PAPPA2: variants seen among roughly 807,000 people sequenced by gnomAD.
PAPPA2 encodes pappalysin 2, also known as pappalysin-2.
A neutral mutation model predicts 176.4 loss-of-function variants in PAPPA2; 86 were observed. That is an observed-to-expected ratio of 0.49 (90% CI 0.41 to 0.58). The LOEUF is 0.58. Ranked by LOEUF, PAPPA2 falls within the 20% of genes least tolerant of loss-of-function variation. The probability of loss-of-function intolerance (pLI) is 0.00; values close to 1 mark genes in which losing one functional copy is unlikely to be tolerated. For missense variants in PAPPA2, 2,073 were observed against 2,256.9 expected (o/e 0.92, Z 1.65); for synonymous variants, 809 against 852.2 (o/e 0.95, Z 0.88).
intron 21 of PAPPA2, among the ~76,000 whole-genome samples, chr1:176,833,727 T>A (rs1667163599): frequency 6.6e-6 from 1 of 152,222 alleles, no homozygotes; most frequent in Non-Finnish European, 1.5e-5. Context: ...GTAAGTATGA[T>A]ACACCTCCAA....
intron 2 of PAPPA2, among the ~76,000 whole-genome samples, chr1:176,579,098 C>T (rs1652814416): frequency 6.6e-6 from 1 of 152,112 alleles, no homozygotes; most frequent in African/African-American, 2.4e-5. Flanking sequence ...TCTGTCAAAA[C>T]CCACAGACAG....
chr1:176,793,882 T>G (rs1665299460), intron 20 of PAPPA2, among the ~76,000 whole-genome samples: 1 of 151,932 alleles, frequency 6.6e-6, no homozygotes, highest in Non-Finnish European at 1.5e-5. Context: ...GATCACAAGG[T>G]CAGGAAATTG....
chr1:176,609,786 C>T (rs148561894), intron 3 of PAPPA2, among the ~76,000 whole-genome samples: 65 of 152,304 alleles, frequency 4.3e-4, no homozygotes, highest in African/African-American at 1.5e-3. Context: ...ACTGCCCTGA[C>T]TACCTCAGAG....
chr1:176,591,716 A>G (rs149791799), intron 2 of PAPPA2, among the ~76,000 whole-genome samples: 8 of 152,300 alleles, frequency 5.3e-5, no homozygotes, highest in Middle Eastern at 6.8e-3. Context: ...GTCCTCGTTT[A>G]TCCTAACTAC....
At chr1:176,824,544 A>G (rs1666782299) in intron 21 of PAPPA2, among the ~76,000 whole-genome samples, 1 of 152,164 alleles carries the variant, frequency 6.6e-6, no homozygotes, top group Non-Finnish European at 1.5e-5. Context: ...TTATTTTTTA[A>G]TTAGAGAAAC....
chr1:176,743,401 A>G (rs536793348), intron 14 of PAPPA2, among the ~76,000 whole-genome samples: 5 of 152,268 alleles, frequency 3.3e-5, no homozygotes, highest in South Asian at 2.1e-4. Context: ...TCTACTGATC[A>G]TGAACCCTTT....
chr1:176,793,859 G>A (rs775301812), intron 20 of PAPPA2, among the ~76,000 whole-genome samples, 190 bp downstream of exon 20: 5 of 152,120 alleles, frequency 3.3e-5, no homozygotes, highest in African/African-American at 7.2e-5. Flanking sequence ...AAAGATATCC[G>A]CCGAGGTGGG....
At chr1:176,608,679 A>G (rs1275748262) in intron 3 of PAPPA2, among the ~76,000 whole-genome samples, 2 of 152,026 alleles carry the variant, frequency 1.3e-5, no homozygotes, top group Non-Finnish European at 2.9e-5. Context: ...CGAACACCCT[A>G]CCTTTGTAAG....
At chr1:176,623,471 A>G (rs1042739892) in intron 3 of PAPPA2, among the ~76,000 whole-genome samples, 1 of 152,150 alleles carries the variant, frequency 6.6e-6, no homozygotes, top group Non-Finnish European at 1.5e-5. Context: ...CACACTCATT[A>G]TAGTAGAGGC....
At chr1:176,564,912 C>T (rs1651875353) in intron 2 of PAPPA2, among the ~76,000 whole-genome samples, 1 of 152,048 alleles carries the variant, frequency 6.6e-6, no homozygotes, top group Non-Finnish European at 1.5e-5. Flanking sequence ...AAATGCTGTA[C>T]CCATTAGCCC....
chr1:176,547,963 CTT>C (rs1363135839), intron 1 of PAPPA2, among the ~76,000 whole-genome samples: 3 of 152,160 alleles, frequency 2.0e-5, no homozygotes, highest in Admixed American at 6.5e-5. Flanking sequence ...AACCTTTTCT[CTT>C]GTCTTTGTGA....
In PAPPA2 at chr1:176,675,932, C is replaced by A. The variant is rs554600954; in HGVS notation, c.2137+4817C>A. On this transcript the variant is annotated intron_variant, in intron 4 of 22. Transcript: ENST00000367662. ...AGAAATAGGCAAAGGCGTGAACAGA[C>A]ATTTTACTACAGATGATATACAGAT... Among the ~76,000 whole-genome samples, 85 of 152,104 alleles carry A rather than the reference C, an allele frequency of 5.6e-4. No homozygotes were observed. In the Middle Eastern group the frequency reaches 0.01, roughly 18 times the overall value.
intron 3 of PAPPA2, among the ~76,000 whole-genome samples, chr1:176,631,048 C>T (rs367962415): frequency 3.3e-5 from 5 of 151,922 alleles, no homozygotes; most frequent in South Asian, 2.1e-4. Flanking sequence ...AATGAGGAGA[C>T]GTTAGAAGAA....
chr1:176,620,969 G>C (rs1225293382), intron 3 of PAPPA2, among the ~76,000 whole-genome samples: 1 of 152,132 alleles, frequency 6.6e-6, no homozygotes, highest in Non-Finnish European at 1.5e-5. Flanking sequence ...AGATGCCAGA[G>C]ATACCAGCAA....
rs146470581 is a variant in PAPPA2, at chr1:176,835,681, G to A, written c.5203-4492G>A. 2.6e-3 allele frequency among the ~76,000 whole-genome samples: 403 copies of A among 152,210 alleles called. 1 individual carries two copies. Among genetic ancestry groups the A allele is most frequent in the African/African-American group, 9.5e-3 (394 of 41,540 alleles). On this transcript the variant is annotated intron_variant, in intron 21 of 22. Transcript: ENST00000367662. ...ATTACAGGCAGGCACCACCACGCCC[G>A]GCTAGTTTTGTATTTTTAGTAGAGA...
intron 21 of PAPPA2, among the ~76,000 whole-genome samples, chr1:176,811,652 A>T (rs538210997): frequency 6.6e-6 from 1 of 152,278 alleles, no homozygotes; most frequent in South Asian, 2.1e-4. Flanking sequence ...CTTAAGTTGG[A>T]ACTGTCTTCC....
chr1:176,648,710 G>C (rs1451863439), intron 3 of PAPPA2, among the ~76,000 whole-genome samples: 1 of 151,298 alleles, frequency 6.6e-6, no homozygotes, highest in African/African-American at 2.4e-5. Flanking sequence ...TTTGTTCTTG[G>C]TTATGTTAAT....
At chr1:176,837,239 T>C (rs966652563) in intron 21 of PAPPA2, among the ~76,000 whole-genome samples, 1 of 152,110 alleles carries the variant, frequency 6.6e-6, no homozygotes, top group Non-Finnish European at 1.5e-5. Flanking sequence ...ATAGGTATCA[T>C]TAGGCTCATA....
At chr1:176,490,782 G>C (rs1647246447) in intron 1 of PAPPA2, among the ~76,000 whole-genome samples, 1 of 152,090 alleles carries the variant, frequency 6.6e-6, no homozygotes, top group East Asian at 1.9e-4. Context: ...AAGGACCCAG[G>C]CCACTTGACT....
Sources: gnomAD v4.1 joint callset for allele counts (sites outside exome capture counted in the v4.1 genomes callset) on GRCh38, gnomAD v4.1.1 for gene constraint, MANE v1.5 for transcripts, NCBI Gene and HGNC (gene_info 2026-07-23, HGNC 2026-07-21) for gene names.